Variants in CDC42BPG observed in about 807,000 individuals in gnomAD.
The protein encoded by CDC42BPG is serine/threonine-protein kinase MRCK gamma.
In CDC42BPG, 157 loss-of-function variants were observed where a neutral mutation model predicts 192.2. That is an observed-to-expected ratio of 0.82 (90% confidence interval 0.72 to 0.93). The LOEUF is 0.93. Among genes scored for constraint, CDC42BPG ranks in the 40% least tolerant of loss-of-function variants. The probability of loss-of-function intolerance (pLI) is 0.00; values close to 1 mark genes in which losing one functional copy is unlikely to be tolerated. For missense variants in CDC42BPG, 1,992 were observed against 2,122.1 expected, an observed-to-expected ratio of 0.94 and a Z score of 1.20; for synonymous variants, 981 against 918.5, an observed-to-expected ratio of 1.07 and a Z score of -1.23.
At position 64,833,336 on chromosome 11, in the gene CDC42BPG, G is replaced by A. The variant is rs1942796236; in HGVS notation, c.2626C>T (p.Pro876Ser). Residue 876 changes from proline (P) to serine (S), a missense_variant and splice_region_variant, in exon 24 of 37, where the codon CCC becomes TCC. By Grantham distance (74) the Pro-to-Ser change is moderately conservative (BLOSUM62 -1). Transcript: ENST00000342711. ...TASTEGLPAKPGSHTLRPRSF... is the reference protein window; with the variant it reads ...TASTEGLPAKSGSHTLRPRSF... ...CGGGGGCGCAGCGTGTGTGAGCCGG[G>A]CTGGGGAGGGGGACAGCCATTACCC... The A allele has an allele frequency of 2.7e-6, 4 of 1,467,544 alleles. No individual in the cohort carries two copies. In the East Asian group the frequency reaches 9.9e-5, roughly 36 times the overall value. The allele number at this position is 1,467,544 out of a possible 1,614,324, so 90.9% of individuals were successfully genotyped here. A position where few individuals can be genotyped will look rare whatever the true frequency, so the allele number is the denominator to read the frequency against.
chr11:64,827,263 G>A lies in CDC42BPG; in HGVS notation c.4271+15C>T, dbSNP rs770704871. 4.3e-6 allele frequency: 7 copies of A among 1,613,396 alleles called. No homozygotes were observed. The highest frequency in any genetic ancestry group is 3.3e-5 in the South Asian group (3 of 91,058). On this transcript the variant is annotated intron_variant, in intron 33 of 36. Transcript: ENST00000342711. ...GGCCCCACCCAGCCTCAGCCCCCGC[G>A]TCGTGCACGCGCACCTGCGCTGCTG... is the stretch of plus-strand genomic sequence containing the variant.
intron 30 of CDC42BPG, among the ~76,000 whole-genome samples, 182 bp downstream of exon 30, chr11:64,829,289 A>G (rs1246083408): frequency 1.3e-5 from 2 of 152,224 alleles, no homozygotes; most frequent in African/African-American, 4.8e-5. Flanking sequence ...GCATGAGCTC[A>G]GCCATGGAAA....
chr11:64,843,414 G>A (rs776245579), intron 1 of CDC42BPG, among the ~76,000 whole-genome samples: 1 of 152,078 alleles, frequency 6.6e-6, no homozygotes, highest in Non-Finnish European at 1.5e-5. Flanking sequence ...ACAGAGGCAG[G>A]GGCCTCTGAC....
rs752541965 is a variant in CDC42BPG at position 64,826,720 on chromosome 11, C to T, written c.4464G>A (p.Arg1488=). Residue 1488 remains arginine (R), a synonymous_variant, in exon 35 of 37, where the codon CGG becomes CGA. Transcript: ENST00000342711. ...CTTCGCTGCCCATGGAGGCTGGGCG[C>T]CGCAACGCCTCGGAGAAGCTGTGGG... ...QRPHSFSEAL[R]RPASMGSEGL... 2 of 1,552,626 alleles carry T rather than the reference C, an allele frequency of 1.3e-6. No individual in the cohort carries two copies. The highest frequency in any genetic ancestry group is 4.6e-5 in the East Asian group (2 of 43,484).
At position 64,835,029 on chromosome 11, in the gene CDC42BPG, C is replaced by T. The variant is rs375221621; in HGVS notation, c.2060+18G>A. The T allele has an allele frequency of 6.2e-7, 1 of 1,604,214 alleles. No individual in the cohort carries two copies. Among genetic ancestry groups the T allele is most frequent in the Non-Finnish European group, 8.5e-7 (1 of 1,177,146 alleles). ...GTCTCGCCTGCGTTCCCCACCCCGA[C>T]CCACCCCTGGCACCCACCAGCTGAG... On this transcript the variant is annotated intron_variant, in intron 17 of 36. Coordinates refer to ENST00000342711, the MANE Select transcript of CDC42BPG (RefSeq NM_017525.3).
intron 8 of CDC42BPG, among the ~76,000 whole-genome samples, 174 bp downstream of exon 8, chr11:64,838,480 G>C (rs546089972): frequency 6.6e-6 from 1 of 152,316 alleles, no homozygotes; most frequent in East Asian, 1.9e-4. Context: ...GGCTGGAAGA[G>C]GCTGGGCCAG....
Position 64,832,489 on chromosome 11 carries a change from G to A in CDC42BPG, c.3026C>T (p.Thr1009Ile). Residue 1009 changes from threonine to isoleucine, a missense_variant, in exon 27 of 37, where the codon ACC becomes ATC. By Grantham distance (89) the Thr-to-Ile change is moderately conservative. Around this residue, in one of 2 missense-constraint regions of CDC42BPG, gnomAD observed 1,656 missense variants for 1,844.3 expected, o/e 0.90. Transcript: ENST00000342711. ...LDLRDPQFSA[T>I]PVLASDVIHA... ...GATAACATCAGAGGCCAGGACAGGG[G>A]TAGCCGAGAACTGGGGGTCCCTGGG... 1 of 1,613,966 alleles carries A rather than the reference G, an allele frequency of 6.2e-7. No individual in the cohort carries two copies.
At position 64,836,770 on chromosome 11, in the gene CDC42BPG, C is replaced by T. The variant is rs756222086; in HGVS notation, c.1353G>A (p.Lys451=). ...GCCTGTCCCGCAGAGTCTGCACTTC[C>T]TTCCGTAGCTGCTCCAGCTCCCGAT... ...TDHRELEQLR[K]EVQTLRDRLP... Residue 451 remains lysine, a synonymous_variant, in exon 11 of 37, where the codon AAG becomes AAA. Coordinates refer to ENST00000342711, the MANE Select transcript of CDC42BPG (RefSeq NM_017525.3). 6 of 1,572,840 alleles carry T rather than the reference C, an allele frequency of 3.8e-6. No homozygotes were observed. In the South Asian group the frequency reaches 6.9e-5, roughly 18 times the overall value.
At chr11:64,826,632 T>TG (rs753990804) in intron 35 of CDC42BPG, 39 bp downstream of exon 35, 2 of 1,487,090 alleles carry the variant, frequency 1.3e-6, no homozygotes, top group Non-Finnish European at 9.1e-7. Context: ...AAACTTGGGG[T>TG]GGGGGGTGGC....
chr11:64,843,933 A>G (rs1266250131), intron 1 of CDC42BPG, among the ~76,000 whole-genome samples: 1 of 152,104 alleles, frequency 6.6e-6, no homozygotes, highest in Non-Finnish European at 1.5e-5. Context: ...TGTGTTTTGC[A>G]GTGCCAATGC....
intron 33 of CDC42BPG, 51 bp downstream of exon 33, chr11:64,827,227 C>T: frequency 6.2e-7 from 1 of 1,613,346 alleles, no homozygotes; most frequent in Non-Finnish European, 8.5e-7. Flanking sequence ...GACCCGTCCA[C>T]AAGCGGAGGC....
At chr11:64,841,757 G>A in intron 2 of CDC42BPG, 24 bp from the exon 3 acceptor site, 4 of 1,612,932 alleles carry the variant, frequency 2.5e-6, no homozygotes, top group East Asian at 2.2e-5. Context: ...GAGGACCGGG[G>A]TGAGCCCAGC....
Position 64,826,796 on chromosome 11 carries a change from T to C in CDC42BPG, c.4390-2A>G. On this transcript the variant is annotated splice_acceptor_variant, in intron 34 of 36. Transcript: ENST00000342711. LOFTEE classifies it high-confidence loss of function. Reference sequence around the variant, plus strand: ...AACTCGGCCCTTCTCTTCGGGAGCCTGTTGGGTGACAGTGCGGAGGGGCTG... The same window carrying C: ...AACTCGGCCCTTCTCTTCGGGAGCCCGTTGGGTGACAGTGCGGAGGGGCTG... 1 of 1,496,058 alleles carries C rather than the reference T, an allele frequency of 6.7e-7. No individual in the cohort carries two copies. The allele number at this position is 1,496,058 out of a possible 1,614,324, so 92.7% of individuals were successfully genotyped here.
Position 64,824,451 on chromosome 11 carries a change from G to A in CDC42BPG, c.*22C>T, listed in dbSNP as rs764130426. ...CTCATGTCCTTCTGCCCTGGGATTG[G>A]GGTGGGCCCTAACAGAGGGCATCAA... On this transcript the variant is annotated 3_prime_UTR_variant, in exon 37 of 37. Transcript: ENST00000342711. 219 of 1,497,048 alleles carry A rather than the reference G, an allele frequency of 1.5e-4. 3 individuals carry two copies. In the South Asian group the frequency reaches 2.2e-3, roughly 15 times the overall value. The allele number at this position is 1,497,048 out of a possible 1,614,324, so 92.7% of individuals were successfully genotyped here. A position where few individuals can be genotyped will look rare whatever the true frequency, so the allele number is the denominator to read the frequency against.
At position 64,836,428 on chromosome 11, in the gene CDC42BPG, C is replaced by A. The variant is rs768977915; in HGVS notation, c.1487G>T (p.Arg496Leu). 27 of 1,613,244 alleles carry A rather than the reference C, an allele frequency of 1.7e-5. No individual in the cohort carries two copies. In the South Asian group the frequency reaches 1.8e-4, roughly 10 times the overall value. Residue 496 changes from arginine to leucine, a missense_variant and splice_region_variant, in exon 12 of 37, where the codon CGG becomes CTG. This residue lies in a region of CDC42BPG where 1,656 missense variants were observed against 1,844.3 expected (regional missense o/e 0.90). Transcript: ENST00000342711. Reference sequence around the variant, plus strand: ...TCACCCACCTCACCCAGCCCTCACCCGGTGAAGTCGGTCAAGCTCCTGCCG... The same window carrying A: ...TCACCCACCTCACCCAGCCCTCACCAGGTGAAGTCGGTCAAGCTCCTGCCG... The part of the protein sequence containing the change: ...DLRQELDRLH[R>L]ELAEGRAGLQ...
chr11:64,826,401 A>T, intron 36 of CDC42BPG, 69 bp downstream of exon 36: 1 of 1,075,360 alleles, frequency 9.3e-7, no homozygotes, highest in Non-Finnish European at 1.4e-6. Flanking sequence ...TCACTGTGCA[A>T]GGCCTAGCAT....
Position 64,827,074 on chromosome 11 carries a change from C to T in CDC42BPG, c.4365G>A (p.Arg1455=), listed in dbSNP as rs961243136. Residue 1455 remains arginine, a synonymous_variant, in exon 34 of 37, where the codon CGG becomes CGA. Transcript: ENST00000342711. The part of the protein sequence containing the change: ...HLVHVGPANG[R]PGARDKSPAP... Reference sequence around the variant, plus strand: ...CCGGGGACTTGTCCCTGGCGCCGGGCCGCCCGTTGGCAGGGCCCACGTGTA... The same window carrying T: ...CCGGGGACTTGTCCCTGGCGCCGGGTCGCCCGTTGGCAGGGCCCACGTGTA... 1.2e-6 allele frequency: 2 copies of T among 1,612,824 alleles called. No individual in the cohort carries two copies. Among genetic ancestry groups the T allele is most frequent in the Admixed American group, 1.7e-5 (1 of 59,992 alleles).
chr11:64,836,708 G>GGGGGC (rs1943015247), intron 11 of CDC42BPG, 31 bp downstream of exon 11: 12 of 695,652 alleles, frequency 1.7e-5, no homozygotes, highest in African/African-American at 2.4e-5. Context: ...CTCAGCCCTG[G>GGGGGC]GGGGGGGGGG....
intron 4 of CDC42BPG, 22 bp downstream of exon 4, chr11:64,840,531 C>T (rs990160072): frequency 2.3e-5 from 37 of 1,610,198 alleles, no homozygotes; most frequent in Admixed American, 8.3e-5. Context: ...TGTTCCCCTC[C>T]AGCCCCGCCA....
Sources: gnomAD v4.1 joint callset for allele counts (sites outside exome capture counted in the v4.1 genomes callset) on GRCh38, gnomAD v4.1.1 for gene constraint, gnomAD v4.1.1 regional missense constraint, MANE v1.5 for transcripts, NCBI Gene and HGNC (gene_info 2026-07-23, HGNC 2026-07-21) for gene names.